The following SLC1A2 variants were observed in gnomAD, a reference collection of about 807,000 sequenced individuals.
SLC1A2 encodes the protein excitatory amino acid transporter 2.
SLC1A2 carries 15 observed loss-of-function variants against 48.8 expected under a neutral mutation model. That is an observed-to-expected ratio of 0.31 (90% CI 0.21 to 0.47). The LOEUF (loss-of-function observed/expected upper bound fraction) is 0.47. Ranked by LOEUF, SLC1A2 falls within the 20% of genes least tolerant of loss-of-function variation. The pLI, the probability that SLC1A2 is intolerant of heterozygous loss-of-function variation, is 0.99. For missense variants in SLC1A2, 502 were observed against 730.5 expected (o/e 0.69, Z 3.61); for synonymous variants, 279 against 272.6 (o/e 1.02, Z -0.23).
At chr11:35,407,759 T>G (rs968257420) in intron 1 of SLC1A2, among the ~76,000 whole-genome samples, 5 of 152,136 alleles carry the variant, frequency 3.3e-5, no homozygotes, top group Non-Finnish European at 5.9e-5. Flanking sequence ...CTGCTCACTC[T>G]TGACTCCCTT....
At chr11:35,372,669 A>G (rs577367301) in intron 1 of SLC1A2, among the ~76,000 whole-genome samples, 82 of 152,360 alleles carry the variant, frequency 5.4e-4, no homozygotes, top group African/African-American at 1.8e-3. Context: ...CAAGGTAATT[A>G]CAGTAGGTTA....
chr11:35,419,939 A>G (rs1442731266), upstream of SLC1A2: 2 of 469,074 alleles, frequency 4.3e-6, no homozygotes, highest in Non-Finnish European at 8.8e-6. The surrounding 1 kb of genome is among the most constrained non-coding windows in gnomAD (Gnocchi z 5.4). Flanking sequence ...CACCCACCCC[A>G]TCCTCCCACG....
intron 8 of SLC1A2, chr11:35,286,479 G>A (rs945285447): frequency 1.2e-5 from 3 of 247,184 alleles, no homozygotes; most frequent in Non-Finnish European, 1.5e-5. Context: ...AATGGGCAAA[G>A]AAATTACCCT....
At chr11:35,284,087 T>TTATA (rs34252173) in intron 8 of SLC1A2, among the ~76,000 whole-genome samples, 8,646 of 115,706 alleles carry the variant, frequency 0.075, 460 homozygotes, top group South Asian at 0.11. Context: ...GAAGATTTTA[T>TTATA]TATATATATA....
chr11:35,371,032 T>C, intron 1 of SLC1A2: 1 of 985,168 alleles, frequency 1.0e-6, no homozygotes, highest in Non-Finnish European at 1.2e-6. Flanking sequence ...GGGTGAGTTT[T>C]GAGCTGTTTT....
intron 4 of SLC1A2, among the ~76,000 whole-genome samples, chr11:35,311,966 A>G (rs1456440984): frequency 1.3e-5 from 2 of 148,388 alleles, no homozygotes. Context: ...ATCCCACAGC[A>G]AAAATATATT....
chr11:35,414,272 G>A (rs1369407170), intron 1 of SLC1A2, among the ~76,000 whole-genome samples: 1 of 152,088 alleles, frequency 6.6e-6, no homozygotes, highest in Admixed American at 6.5e-5. Flanking sequence ...AAGAAAATGG[G>A]TCTTCTTTTT....
intron 1 of SLC1A2, among the ~76,000 whole-genome samples, chr11:35,330,383 G>A (rs1405168597): frequency 6.6e-6 from 1 of 152,192 alleles, no homozygotes; most frequent in African/African-American, 2.4e-5. Flanking sequence ...AAAAACTGAA[G>A]GGCATAGGTA....
rs1851737622 is a variant in SLC1A2, at chr11:35,312,450, T to A, written c.311-2A>T. 6.2e-7 allele frequency: 1 copy of A among 1,613,542 alleles called. No homozygotes were observed. The highest frequency in any genetic ancestry group is 1.7e-5 in the Admixed American group (1 of 59,988). ...CCTTAGCATCCAGGCCTGACAACCCTGGATTGAAAAGAAATGCAGAAGGAT... is the reference window on the plus strand; with the variant it reads ...CCTTAGCATCCAGGCCTGACAACCCAGGATTGAAAAGAAATGCAGAAGGAT... On this transcript the variant is annotated splice_acceptor_variant, in intron 3 of 10. Transcript: ENST00000278379. LOFTEE classifies it high-confidence loss of function.
At chr11:35,272,939 C>G (rs768035478) in intron 9 of SLC1A2, among the ~76,000 whole-genome samples, 5 of 152,142 alleles carry the variant, frequency 3.3e-5, no homozygotes, top group Non-Finnish European at 5.9e-5. Flanking sequence ...CCAAGGTACT[C>G]TCTCTCATCT....
At chr11:35,303,965 ATTT>A (rs1487429428) in intron 5 of SLC1A2, among the ~76,000 whole-genome samples, 2 of 152,202 alleles carry the variant, frequency 1.3e-5, no homozygotes, top group South Asian at 4.1e-4. Flanking sequence ...AAAGAACCTT[ATTT>A]CAGCCATGAT....
At chr11:35,280,778 G>C in intron 9 of SLC1A2, 89 bp downstream of exon 9, 1 of 812,662 alleles carries the variant, frequency 1.2e-6, no homozygotes, top group Non-Finnish European at 1.9e-6. Flanking sequence ...ATGGGGATTA[G>C]CTAAGATCTT....
intron 9 of SLC1A2, among the ~76,000 whole-genome samples, chr11:35,278,439 C>T (rs1227830374): frequency 1.3e-5 from 2 of 151,888 alleles, no homozygotes; most frequent in African/African-American, 4.8e-5. Context: ...CCACACCTGG[C>T]TAATTATTTT....
chr11:35,326,250 A>AT (rs1852249107), intron 1 of SLC1A2, among the ~76,000 whole-genome samples: 1 of 152,216 alleles, frequency 6.6e-6, no homozygotes, highest in Non-Finnish European at 1.5e-5. Flanking sequence ...AAGCATCAAC[A>AT]TCTCTAAATT....
intron 1 of SLC1A2, among the ~76,000 whole-genome samples, chr11:35,415,303 G>T (rs957688773): frequency 1.3e-5 from 2 of 152,138 alleles, no homozygotes; most frequent in Admixed American, 1.3e-4. Flanking sequence ...TGGAGTTTCT[G>T]CCTCACAAGT....
chr11:35,373,391 G>A (rs1357704373), intron 1 of SLC1A2, among the ~76,000 whole-genome samples: 1 of 152,188 alleles, frequency 6.6e-6, no homozygotes, highest in African/African-American at 2.4e-5. Flanking sequence ...AGGGATGCCA[G>A]TCATGATCTT....
intron 1 of SLC1A2, among the ~76,000 whole-genome samples, chr11:35,331,018 G>A (rs1028764721): frequency 2.0e-5 from 3 of 152,180 alleles, no homozygotes; most frequent in Admixed American, 1.3e-4. Flanking sequence ...CTCATTTGTT[G>A]TTTACAAAAA....
intron 1 of SLC1A2, among the ~76,000 whole-genome samples, chr11:35,329,070 A>C (rs573110842): frequency 2.4e-4 from 37 of 152,242 alleles, no homozygotes; most frequent in Non-Finnish European, 4.7e-4. Flanking sequence ...TCAGCACTGA[A>C]AAGAAATGAA....
intron 6 of SLC1A2, among the ~76,000 whole-genome samples, chr11:35,294,031 T>G (rs890704692): frequency 5.9e-5 from 9 of 152,170 alleles, no homozygotes; most frequent in African/African-American, 2.2e-4. Flanking sequence ...CGCATCTCTG[T>G]CAGTACCATT....
Sources: allele counts gnomAD v4.1 joint callset (sites outside exome capture counted in the v4.1 genomes callset), GRCh38; gene constraint gnomAD v4.1.1; non-coding constraint Gnocchi (gnomAD v3.1); transcripts MANE v1.5; gene names NCBI Gene and HGNC (gene_info 2026-07-23, HGNC 2026-07-21).